CUBN: variants seen among roughly 807,000 people sequenced by gnomAD.
CUBN encodes cubilin, also known as 460 kDa receptor.
In CUBN, 282 loss-of-function variants were observed where a neutral mutation model predicts 405.3. That is an observed-to-expected ratio of 0.70 (90% CI 0.63 to 0.77). The LOEUF is 0.77. Ranked by LOEUF, CUBN falls within the 30% of genes least tolerant of loss-of-function variation. The pLI is 0.00. For missense variants in CUBN, 4,514 were observed against 4,475.2 expected, an observed-to-expected ratio of 1.01 and a Z score of -0.25; for synonymous variants, 1,684 against 1,617.0, an observed-to-expected ratio of 1.04 and a Z score of -0.99.
rs1368553875 is a variant in CUBN at position 16,913,850 on chromosome 10, C to G, written c.7494G>C (p.Arg2498Ser). Residue 2498 changes from arginine to serine, a missense_variant, in exon 48 of 67, where the codon AGG (arginine) becomes AGC (serine). Arg to Ser is a moderately radical substitution (Grantham distance 110). Around this residue, in one of 5 missense-constraint regions of CUBN, gnomAD observed 1,613 missense variants for 1,542.8 expected, o/e 1.05. Transcript: ENST00000377833. ...TGTTGCAGGACGGATGCGTGGCCAG[C>G]CTCAGGTTGTTAAACATTAGGGTGA... Reference protein sequence around the residue: ...RRITLMFNNLRLATHPSCNNE... With the variant: ...RRITLMFNNLSLATHPSCNNE... 1 of 1,614,000 alleles carries G rather than the reference C, an allele frequency of 6.2e-7. No homozygotes were observed. Among genetic ancestry groups the G allele is most frequent in the East Asian group, 2.2e-5 (1 of 44,872 alleles).
Position 16,828,896 on chromosome 10 carries a change from A to G in CUBN, c.10673T>C (p.Ile3558Thr), listed in dbSNP as rs1406099751. Reference protein sequence around the residue: ...LVTINFYFISIDDPGDCVQNY... With the variant: ...LVTINFYFISTDDPGDCVQNY... ...CTGGACACAGTCTCCTGGATCGTCAATGCTGATGAAGTAGAAGTTGATGGT... is the reference window on the plus strand; with the variant it reads ...CTGGACACAGTCTCCTGGATCGTCAGTGCTGATGAAGTAGAAGTTGATGGT... Residue 3558 changes from isoleucine (I) to threonine (T), a missense_variant, in exon 66 of 67, where the codon ATT (isoleucine) becomes ACT (threonine). Ile to Thr is a moderately conservative substitution (Grantham distance 89). Around this residue, in one of 5 missense-constraint regions of CUBN, gnomAD observed 1,186 missense variants for 1,186.9 expected, o/e 1.00. Transcript: ENST00000377833. 2.5e-6 allele frequency: 4 copies of G among 1,614,174 alleles called. No homozygotes were observed. Among genetic ancestry groups the G allele is most frequent in the African/African-American group, 1.3e-5 (1 of 75,040 alleles).
chr10:16,938,066 T>C (rs1208986596), intron 38 of CUBN, among the ~76,000 whole-genome samples: 1 of 152,140 alleles, frequency 6.6e-6, no homozygotes, highest in African/African-American at 2.4e-5. Context: ...GTAAAATTTG[T>C]GGATGGAAAA....
intron 6 of CUBN, among the ~76,000 whole-genome samples, chr10:17,119,304 T>C (rs1205817079): frequency 6.6e-6 from 1 of 152,182 alleles, no homozygotes; most frequent in Non-Finnish European, 1.5e-5. Context: ...GAGCCCTAAA[T>C]GTACAACACA....
intron 39 of CUBN, among the ~76,000 whole-genome samples, chr10:16,935,723 C>CA (rs1193952491): frequency 1.3e-5 from 2 of 151,024 alleles, no homozygotes; most frequent in East Asian, 3.9e-4. Flanking sequence ...ACTAAAAATA[C>CA]AAAAAAATCA....
chr10:16,859,298 T>C (rs1455544720), intron 59 of CUBN, among the ~76,000 whole-genome samples: 2 of 151,844 alleles, frequency 1.3e-5, no homozygotes, highest in Non-Finnish European at 2.9e-5. Flanking sequence ...AACAATTCAA[T>C]TAGAAAATGG....
chr10:16,879,601 T>C (rs936526785), intron 56 of CUBN, among the ~76,000 whole-genome samples: 1 of 152,240 alleles, frequency 6.6e-6, no homozygotes, highest in Non-Finnish European at 1.5e-5. Flanking sequence ...CACACTTACT[T>C]TATAATTCCA....
chr10:17,098,923 A>T (rs4748351), intron 14 of CUBN, among the ~76,000 whole-genome samples: 1 of 152,208 alleles, frequency 6.6e-6, no homozygotes, highest in African/African-American at 2.4e-5. Flanking sequence ...AACTAAATTT[A>T]AAAATAGTTT....
At chr10:17,111,147 G>T in intron 8 of CUBN, 97 bp from the exon 9 acceptor site, 1 of 1,352,898 alleles carries the variant, frequency 7.4e-7, no homozygotes, top group East Asian at 2.3e-5. Flanking sequence ...CTCCACCTAA[G>T]GAACTATAAA....
Position 17,084,167 on chromosome 10 carries a change from A to T in CUBN, c.2301+104T>A. The T allele has an allele frequency of 3.6e-6, 4 of 1,113,104 alleles. No individual in the cohort carries two copies. The South Asian group carries it at 3.8e-5, about 11-fold the overall frequency. The allele number at this position is 1,113,104 out of a possible 1,614,324, so 69.0% of individuals were successfully genotyped here. On this transcript the variant is annotated intron_variant, in intron 17 of 66. Transcript: ENST00000377833. ...TTGTATTTCTAACAAGCTCTCAGGT[A>T]TTCTGGCTGCTGGTGGCCCAACAAT...
At chr10:17,119,958 A>G (rs1836999211) in intron 6 of CUBN, among the ~76,000 whole-genome samples, 1 of 152,214 alleles carries the variant, frequency 6.6e-6, no homozygotes, top group African/African-American at 2.4e-5. Flanking sequence ...ATGGCAAATT[A>G]TTAATCCAGT....
intron 31 of CUBN, chr10:16,965,647 A>G (rs910868510): frequency 6.6e-6 from 1 of 151,146 alleles, no homozygotes; most frequent in African/African-American, 2.4e-5. Context: ...ATTTTTTTCT[A>G]CTGGATTTTT....
intron 17 of CUBN, among the ~76,000 whole-genome samples, chr10:17,072,457 G>A (rs1362154893): frequency 1.3e-5 from 2 of 152,126 alleles, no homozygotes. Context: ...AAGAAGGCCA[G>A]GGACAGTGGC....
chr10:16,930,152 C>G (rs1468805542), intron 40 of CUBN, among the ~76,000 whole-genome samples: 1 of 152,206 alleles, frequency 6.6e-6, no homozygotes, highest in East Asian at 1.9e-4. Flanking sequence ...ACAGTAAAGG[C>G]TAGCACTAGA....
chr10:16,976,091 C>T (rs1279131492), intron 31 of CUBN, among the ~76,000 whole-genome samples: 1 of 151,824 alleles, frequency 6.6e-6, no homozygotes, highest in East Asian at 1.9e-4. Context: ...TCACCTCAGC[C>T]TCCCAAGTAG....
At chr10:17,023,032 A>G (rs1320659607) in intron 27 of CUBN, among the ~76,000 whole-genome samples, 2 of 152,222 alleles carry the variant, frequency 1.3e-5, no homozygotes, top group Non-Finnish European at 2.9e-5. Context: ...TGAACAGCAT[A>G]GCATTTTTGC....
chr10:16,903,400 T>C (rs981758262), intron 51 of CUBN, among the ~76,000 whole-genome samples: 10 of 152,054 alleles, frequency 6.6e-5, no homozygotes, highest in African/African-American at 1.9e-4. Flanking sequence ...TTCTGTTCAA[T>C]ATTCGATGGT....
intron 8 of CUBN, 144 bp from the exon 9 acceptor site, chr10:17,111,194 T>C (rs2131309066): frequency 1.1e-6 from 1 of 950,652 alleles, no homozygotes; most frequent in South Asian, 1.5e-5. Context: ...TGGCAAAAGT[T>C]GTTTTGAATT....
Position 17,046,475 on chromosome 10 carries a change from C to A in CUBN, c.3330-381G>T, listed in dbSNP as rs139003735. The stretch of plus-strand genomic sequence containing the variant: ...CTGTATTTTACAGAGAATCTTTCAA[C>A]GTTTTCCTTCTGATTTGGAAATTTT... On this transcript the variant is annotated intron_variant, in intron 23 of 66. Coordinates refer to ENST00000377833, the MANE Select transcript of CUBN (RefSeq NM_001081.4). Among the ~76,000 whole-genome samples the A allele has an allele frequency of 3.3e-5, 5 of 152,174 alleles. No individual in the cohort carries two copies. The South Asian group carries it at 1.0e-3, about 32-fold the overall frequency.
At chr10:17,073,274 G>C (rs1415210273) in intron 17 of CUBN, among the ~76,000 whole-genome samples, 1 of 152,000 alleles carries the variant, frequency 6.6e-6, no homozygotes, top group Non-Finnish European at 1.5e-5. Context: ...AATAGTGCAA[G>C]AAAGGTTAGA....
Sources: gnomAD v4.1 joint callset for allele counts (sites outside exome capture counted in the v4.1 genomes callset) on GRCh38, gnomAD v4.1.1 for gene constraint, gnomAD v4.1.1 regional missense constraint, MANE v1.5 for transcripts, NCBI Gene and HGNC (gene_info 2026-07-23, HGNC 2026-07-21) for gene names.